Variants in GPC5 observed in about 807,000 individuals in gnomAD.
GPC5 encodes the protein glypican 5.
In GPC5, 47 loss-of-function variants were observed where a neutral mutation model predicts 53.9. The ratio of observed to expected loss-of-function variants is 0.87; its 90% CI spans 0.69 to 1.11. The LOEUF is 1.11. Ranked by LOEUF, GPC5 falls within the 50% of genes most tolerant of loss-of-function variation. GPC5 has a pLI of 0.00. For missense variants in GPC5, 748 were observed against 713.1 expected, an observed-to-expected ratio of 1.05 and a Z score of -0.56; for synonymous variants, 286 against 263.3, an observed-to-expected ratio of 1.09 and a Z score of -0.84.
intron 2 of GPC5, among the ~76,000 whole-genome samples, chr13:91,471,013 C>T (rs1015336800): frequency 1.3e-5 from 2 of 151,906 alleles, no homozygotes; most frequent in Non-Finnish European, 2.9e-5. Flanking sequence ...TTACGAAGAC[C>T]TTATGTTAAA....
chr13:91,917,300 A>G (rs1020037955), intron 6 of GPC5, among the ~76,000 whole-genome samples: 3 of 152,216 alleles, frequency 2.0e-5, no homozygotes, highest in Non-Finnish European at 4.4e-5. Context: ...CTTTGGCACT[A>G]TGTCTCACAT....
chr13:91,612,863 C>A (rs538634747), intron 2 of GPC5, among the ~76,000 whole-genome samples: 4 of 151,892 alleles, frequency 2.6e-5, no homozygotes, highest in Non-Finnish European at 5.9e-5. Flanking sequence ...TTATAACAAC[C>A]CTACCATCAC....
At chr13:92,283,525 A>T in intron 7 of GPC5, among the ~76,000 whole-genome samples, 1 of 152,348 alleles carries the variant, frequency 6.6e-6, no homozygotes, top group South Asian at 2.1e-4. Flanking sequence ...AAAAGAACAG[A>T]AATTATAACA....
intron 2 of GPC5, among the ~76,000 whole-genome samples, chr13:91,566,857 A>G (rs904377665): frequency 2.0e-5 from 3 of 152,046 alleles, no homozygotes; most frequent in African/African-American, 7.2e-5. Flanking sequence ...GTCAACCAAA[A>G]TGTTGAGTAA....
chr13:91,881,142 A>G (rs2039260155), intron 5 of GPC5, among the ~76,000 whole-genome samples: 1 of 152,148 alleles, frequency 6.6e-6, no homozygotes, highest in Non-Finnish European at 1.5e-5. Flanking sequence ...CCCAGAAATA[A>G]TAAACAGAAA....
intron 7 of GPC5, among the ~76,000 whole-genome samples, chr13:92,517,868 C>T (rs1010740039): frequency 6.6e-6 from 1 of 152,140 alleles, no homozygotes; most frequent in Non-Finnish European, 1.5e-5. Flanking sequence ...TTCAGACGAT[C>T]CAACTTCTCC....
At chr13:91,714,073 A>G (rs1233651076) in intron 3 of GPC5, among the ~76,000 whole-genome samples, 2 of 152,228 alleles carry the variant, frequency 1.3e-5, no homozygotes, top group East Asian at 3.9e-4. Context: ...AATTCCTTCC[A>G]TGGTAGGCTT....
At chr13:91,625,068 C>T (rs966121088) in intron 2 of GPC5, among the ~76,000 whole-genome samples, 1 of 151,708 alleles carries the variant, frequency 6.6e-6, no homozygotes. Flanking sequence ...AACTATTTTT[C>T]TTTGTGTATT....
At chr13:91,558,436 A>G (rs907574510) in intron 2 of GPC5, among the ~76,000 whole-genome samples, 3 of 152,042 alleles carry the variant, frequency 2.0e-5, no homozygotes, top group Admixed American at 6.6e-5. Flanking sequence ...GGCTTATAAT[A>G]TTGGATGTGG....
At chr13:92,362,684 G>A (rs887725405) in intron 7 of GPC5, among the ~76,000 whole-genome samples, 7 of 151,736 alleles carry the variant, frequency 4.6e-5, no homozygotes, top group Non-Finnish European at 1.0e-4. Context: ...CCATTGCCAG[G>A]AACCCAAGTG....
chr13:92,022,004 T>G (rs1312088233), intron 6 of GPC5, among the ~76,000 whole-genome samples: 4 of 152,106 alleles, frequency 2.6e-5, no homozygotes, highest in African/African-American at 7.2e-5. Context: ...TTTATTGTAT[T>G]TATTTATTTT....
chr13:91,581,361 A>G (rs921081572), intron 2 of GPC5, among the ~76,000 whole-genome samples: 1 of 152,124 alleles, frequency 6.6e-6, no homozygotes, highest in Non-Finnish European at 1.5e-5. Context: ...AGCTTTTGTA[A>G]AGTTGGATTT....
At chr13:91,792,069 G>A (rs2037974709) in intron 5 of GPC5, among the ~76,000 whole-genome samples, 1 of 152,160 alleles carries the variant, frequency 6.6e-6, no homozygotes. Flanking sequence ...TTGCTTGGTT[G>A]GATAATTCAA....
At chr13:92,256,764 A>C (rs949540819) in intron 7 of GPC5, among the ~76,000 whole-genome samples, 2 of 152,100 alleles carry the variant, frequency 1.3e-5, no homozygotes, top group Non-Finnish European at 2.9e-5. Flanking sequence ...CCATTAAAAA[A>C]AAAACACATT....
chr13:92,436,912 A>G (rs1420464224), intron 7 of GPC5, among the ~76,000 whole-genome samples: 3 of 152,200 alleles, frequency 2.0e-5, no homozygotes, highest in African/African-American at 4.8e-5. Flanking sequence ...TCAAGGATTT[A>G]CCTACATTTT....
chr13:91,686,285 G>A (rs1380106141), intron 2 of GPC5, among the ~76,000 whole-genome samples: 3 of 151,944 alleles, frequency 2.0e-5, no homozygotes, highest in Admixed American at 1.3e-4. Context: ...AATTAATGAG[G>A]AGGGAAATGA....
intron 5 of GPC5, among the ~76,000 whole-genome samples, chr13:91,760,836 TAA>T (rs1414100461): frequency 1.3e-5 from 2 of 152,180 alleles, no homozygotes; most frequent in Non-Finnish European, 2.9e-5. Flanking sequence ...ATCTGTAGTG[TAA>T]AAAGAGTTTG....
chr13:92,455,940 A>C (rs1187167464), intron 7 of GPC5, among the ~76,000 whole-genome samples: 1 of 152,172 alleles, frequency 6.6e-6, no homozygotes, highest in African/African-American at 2.4e-5. Flanking sequence ...CTTTTATTAA[A>C]ATGCAGACTT....
At chr13:92,210,344 AG>A (rs1307413684) in intron 7 of GPC5, among the ~76,000 whole-genome samples, 1 of 152,168 alleles carries the variant, frequency 6.6e-6, no homozygotes, top group African/African-American at 2.4e-5. Context: ...AAAATGTTTA[AG>A]TGCCTTAATA....
Sources: gnomAD v4.1 joint callset for allele counts (sites outside exome capture counted in the v4.1 genomes callset) on GRCh38, gnomAD v4.1.1 for gene constraint, MANE v1.5 for transcripts, NCBI Gene and HGNC (gene_info 2026-07-23, HGNC 2026-07-21) for gene names.